NRG3: variants seen among roughly 807,000 people sequenced by gnomAD.
NRG3 encodes pro-neuregulin-3, membrane-bound isoform.
Under a neutral mutation model 66.9 loss-of-function variants are expected in NRG3, and 31 were observed. The ratio of observed to expected loss-of-function variants is 0.46; its 90% CI spans 0.35 to 0.63. The LOEUF (loss-of-function observed/expected upper bound fraction) is 0.63. NRG3 is among the 20% of genes least tolerant of loss of function. The probability of loss-of-function intolerance (pLI) is 0.00; values close to 1 mark genes in which losing one functional copy is unlikely to be tolerated. For synonymous variants in NRG3, 393 were observed against 359.4 expected, an observed-to-expected ratio of 1.09 and a Z score of -1.06; for missense variants, 910 against 878.9, an observed-to-expected ratio of 1.04 and a Z score of -0.45.
rs187042980 is a variant in NRG3 at position 81,906,339 on chromosome 10, C to T, written c.823+30176C>T. ...GTTTCCCAGATGCTCTCATTTTGTCCTGAATCACAATTGTTATTTCAATGA... is the reference window on the plus strand; with the variant it reads ...GTTTCCCAGATGCTCTCATTTTGTCTTGAATCACAATTGTTATTTCAATGA... On this transcript the variant is annotated intron_variant, in intron 1 of 8. Transcript: ENST00000372141. Among the ~76,000 whole-genome samples the T allele has an allele frequency of 4.1e-4, 62 of 152,236 alleles. 1 individual carries two copies. The highest frequency in any genetic ancestry group is 1.4e-3 in the African/African-American group (58 of 41,548).
intron 3 of NRG3, among the ~76,000 whole-genome samples, chr10:82,820,371 T>A (rs1011959153): frequency 5.9e-5 from 9 of 152,330 alleles, no homozygotes; most frequent in Admixed American, 4.6e-4. Flanking sequence ...CTACTTTCCT[T>A]TTCCTTCTCT....
intron 1 of NRG3, among the ~76,000 whole-genome samples, chr10:82,167,134 G>T (rs1437550913): frequency 6.6e-6 from 1 of 151,772 alleles, no homozygotes; most frequent in Non-Finnish European, 1.5e-5. Flanking sequence ...TCAACTGATT[G>T]AATTTTTTCT....
At chr10:82,699,456 T>A (rs1013496467) in intron 2 of NRG3, among the ~76,000 whole-genome samples, 3 of 152,152 alleles carry the variant, frequency 2.0e-5, no homozygotes, top group Non-Finnish European at 4.4e-5. Flanking sequence ...ATCATCCTCA[T>A]CCCACCACTT....
chr10:82,427,946 C>T (rs2089550276), intron 2 of NRG3, among the ~76,000 whole-genome samples: 1 of 151,904 alleles, frequency 6.6e-6, no homozygotes, highest in Non-Finnish European at 1.5e-5. Flanking sequence ...AGTTTGTACC[C>T]TTTTAAGAAT....
intron 6 of NRG3, among the ~76,000 whole-genome samples, chr10:82,965,393 C>T (rs1356369901): frequency 6.6e-6 from 1 of 152,050 alleles, no homozygotes; most frequent in African/African-American, 2.4e-5. Context: ...TTGTCCAGAC[C>T]TTAGCTTGTC....
chr10:82,082,985 G>A (rs2065481291), intron 1 of NRG3, among the ~76,000 whole-genome samples: 1 of 151,336 alleles, frequency 6.6e-6, no homozygotes, highest in Admixed American at 6.6e-5. Flanking sequence ...TTGTCACCAG[G>A]CTAGGGTGCA....
rs186366642 is a variant in NRG3 at position 82,699,992 on chromosome 10, T to G, written c.954-38585T>G. Among the ~76,000 whole-genome samples, 52 of 152,188 alleles carry G rather than the reference T, an allele frequency of 3.4e-4. 1 individual carries two copies. Among genetic ancestry groups the G allele is most frequent in the Non-Finnish European group, 1.5e-5 (1 of 68,008 alleles). ...TCAGGAAAAAGAAAGGTATTCAAGA[T>G]GAAGCAAGATAAGCCATCACACTTT... On this transcript the variant is annotated intron_variant, in intron 2 of 8. Transcript: ENST00000372141.
chr10:82,248,457 G>A (rs938287269), intron 1 of NRG3, among the ~76,000 whole-genome samples: 1 of 152,158 alleles, frequency 6.6e-6, no homozygotes, highest in African/African-American at 2.4e-5. Flanking sequence ...GAGAGGTGAA[G>A]CAAGTGTCTG....
chr10:82,137,682 C>T lies in NRG3; in HGVS notation c.824-221057C>T, dbSNP rs1361245340. Among the ~76,000 whole-genome samples, 3 of 152,186 alleles carry T rather than the reference C, an allele frequency of 2.0e-5. No individual in the cohort carries two copies. The East Asian group carries it at 5.8e-4, about 29-fold the overall frequency. On this transcript the variant is annotated intron_variant, in intron 1 of 8. Coordinates refer to ENST00000372141, the MANE Select transcript of NRG3 (RefSeq NM_001010848.4). ...TATGTCCTGTCTCAGAATCACTGGG[C>T]CAAAAAACATAACCCAGGCTTTAGT... is the stretch of plus-strand genomic sequence containing the variant.
intron 2 of NRG3, among the ~76,000 whole-genome samples, chr10:82,643,381 C>G (rs750204330): frequency 3.3e-5 from 5 of 152,218 alleles, no homozygotes; most frequent in Middle Eastern, 3.4e-3. Context: ...ACTTGCTCCT[C>G]CCTGCCTTCC....
intron 2 of NRG3, among the ~76,000 whole-genome samples, chr10:82,448,486 C>G (rs1242354714): frequency 4.6e-5 from 7 of 152,158 alleles, no homozygotes; most frequent in Non-Finnish European, 8.8e-5. Context: ...ATGGTCTCTG[C>G]TTTTCAAGGG....
intron 2 of NRG3, among the ~76,000 whole-genome samples, chr10:82,588,198 C>T (rs1216600910): frequency 2.0e-5 from 3 of 152,112 alleles, no homozygotes; most frequent in Non-Finnish European, 4.4e-5. Flanking sequence ...CCCTCTAAGT[C>T]TCATGTTGAA....
At chr10:82,391,766 A>T (rs1017370407) in intron 2 of NRG3, among the ~76,000 whole-genome samples, 3 of 152,078 alleles carry the variant, frequency 2.0e-5, no homozygotes, top group Non-Finnish European at 4.4e-5. Context: ...TGTGTTTTTT[A>T]GTCACTCTCC....
chr10:82,178,003 C>T (rs755308649), intron 1 of NRG3, among the ~76,000 whole-genome samples: 4 of 151,914 alleles, frequency 2.6e-5, no homozygotes, highest in Non-Finnish European at 4.4e-5. Flanking sequence ...TGTAAATTAT[C>T]GAAGAGCCCA....
In NRG3 at chr10:82,062,195, G is replaced by T. The variant is rs1048904655; in HGVS notation, c.823+186032G>T. Reference sequence around the variant, plus strand: ...GTTCTTTCCCCTGAAGAGGCCCAAGGTCCCTGAGAGCTCAGCATAGCTCAT... The same window carrying T: ...GTTCTTTCCCCTGAAGAGGCCCAAGTTCCCTGAGAGCTCAGCATAGCTCAT... On this transcript the variant is annotated intron_variant, in intron 1 of 8. Transcript: ENST00000372141. Among the ~76,000 whole-genome samples, 6 of 152,218 alleles carry T rather than the reference G, an allele frequency of 3.9e-5. No individual in the cohort carries two copies. In the East Asian group the frequency reaches 1.2e-3, roughly 30 times the overall value.
At chr10:82,035,801 A>G (rs1285680419) in intron 1 of NRG3, among the ~76,000 whole-genome samples, 1 of 152,150 alleles carries the variant, frequency 6.6e-6, no homozygotes, top group Admixed American at 6.6e-5. Context: ...ATGAAGTTGC[A>G]TAGTACAAAA....
intron 2 of NRG3, among the ~76,000 whole-genome samples, chr10:82,396,546 A>G (rs1030708997): frequency 3.3e-5 from 5 of 152,198 alleles, no homozygotes; most frequent in African/African-American, 9.7e-5. Context: ...CTACTCATGA[A>G]CAAATATATG....
chr10:82,165,786 A>G (rs994573175), intron 1 of NRG3, among the ~76,000 whole-genome samples: 39 of 152,016 alleles, frequency 2.6e-4, no homozygotes, highest in Admixed American at 2.1e-3. Flanking sequence ...ATTCTAAAGG[A>G]AAATAAGCCT....
chr10:82,619,172 G>C (rs1462565262), intron 2 of NRG3, among the ~76,000 whole-genome samples: 1 of 152,010 alleles, frequency 6.6e-6, no homozygotes, highest in African/African-American at 2.4e-5. Context: ...GTAAGTTAGA[G>C]AAAATTGGAC....
Sources: allele counts gnomAD v4.1 joint callset (sites outside exome capture counted in the v4.1 genomes callset), GRCh38; gene constraint gnomAD v4.1.1; transcripts MANE v1.5; gene names NCBI Gene and HGNC (gene_info 2026-07-23, HGNC 2026-07-21).